The following AARS1 variants were observed in gnomAD, a reference collection of about 807,000 sequenced individuals.
AARS1 encodes the protein alanyl-tRNA synthetase 1.
AARS1 carries 72 observed loss-of-function variants against 108.9 expected under a neutral mutation model. That is an observed-to-expected ratio of 0.66 (90% CI 0.55 to 0.80). The LOEUF (loss-of-function observed/expected upper bound fraction) is 0.80. Among genes scored for constraint, AARS1 ranks in the 30% least tolerant of loss-of-function variants. The pLI is 0.00. For synonymous variants in AARS1, 489 were observed against 465.7 expected (o/e 1.05, Z -0.64); for missense variants, 1,193 against 1,233.2 (o/e 0.97, Z 0.49).
chr16:70,272,533 A>C (rs979588307), intron 4 of AARS1, among the ~76,000 whole-genome samples: 1 of 149,170 alleles, frequency 6.7e-6, no homozygotes. Flanking sequence ...AAAAAAAAAA[A>C]AAACCCGCTA....
At chr16:70,258,532 G>A (rs935825261) in intron 14 of AARS1, among the ~76,000 whole-genome samples, 4 of 152,106 alleles carry the variant, frequency 2.6e-5, no homozygotes, top group Admixed American at 6.5e-5. Flanking sequence ...CACTGCCCCC[G>A]GCAAAAGCAC....
At chr16:70,258,301 G>C in intron 14 of AARS1, 84 bp from the exon 15 acceptor site, 2 of 1,479,226 alleles carry the variant, frequency 1.4e-6, no homozygotes, top group Non-Finnish European at 1.8e-6. Flanking sequence ...GGTCCTGCAG[G>C]CAGGACTCGG....
rs569259704 is a variant in AARS1, at chr16:70,281,904, C to T, written c.144+716G>A. ...TGGTGGCTCATGCCTGTAATCCCAG[C>T]GCTTTGAGAGGCCGAGGCGGATGGA... is the stretch of plus-strand genomic sequence containing the variant. On this transcript the variant is annotated intron_variant, in intron 2 of 20. Coordinates refer to ENST00000261772, the MANE Select transcript of AARS1 (RefSeq NM_001605.3). 1.7e-4 allele frequency among the ~76,000 whole-genome samples: 26 copies of T among 151,992 alleles called. No homozygotes were observed. The South Asian group carries it at 4.8e-3, about 28-fold the overall frequency.
intron 2 of AARS1, among the ~76,000 whole-genome samples, chr16:70,278,945 G>A (rs1960622107): frequency 6.6e-6 from 1 of 152,224 alleles, no homozygotes; most frequent in Admixed American, 6.5e-5. Context: ...CAGTGCCTCA[G>A]TAGGGATGGC....
chr16:70,258,513 A>C (rs1220729981), intron 14 of AARS1, among the ~76,000 whole-genome samples: 1 of 152,178 alleles, frequency 6.6e-6, no homozygotes, highest in Non-Finnish European at 1.5e-5. Flanking sequence ...CCCCTCCACC[A>C]ACCACCACCA....
intron 1 of AARS1, 94 bp downstream of exon 1, chr16:70,289,327 G>C (rs751001575): frequency 5.7e-6 from 2 of 352,662 alleles, no homozygotes; most frequent in Non-Finnish European, 1.1e-5. Context: ...CGCGGGGCCT[G>C]ATCCTGGGGC....
chr16:70,281,221 T>C (rs1960688427), intron 2 of AARS1, among the ~76,000 whole-genome samples: 1 of 152,124 alleles, frequency 6.6e-6, no homozygotes, highest in Admixed American at 6.6e-5. Context: ...CTGGTGGCAA[T>C]AATTTCAAGA....
At chr16:70,268,108 C>G (rs1960308828) in intron 8 of AARS1, among the ~76,000 whole-genome samples, 163 bp downstream of exon 8, 2 of 152,214 alleles carry the variant, frequency 1.3e-5, no homozygotes, top group East Asian at 3.9e-4. Context: ...ACAGAGGTTG[C>G]AGTGAGCCAA....
chr16:70,265,173 G>C, intron 10 of AARS1, 71 bp from the exon 11 acceptor site: 1 of 1,575,392 alleles, frequency 6.3e-7, no homozygotes, highest in Non-Finnish European at 8.7e-7. Context: ...ACTGGAACTT[G>C]CTAAACTATG....
rs115882953 is a variant in AARS1, at chr16:70,258,044, G to T, written c.2166C>A (p.Phe722Leu). The change falls in exon 15 of 21, where the codon TTC becomes TTA. Residue 722 changes from phenylalanine (F) to leucine (L), a missense_variant. Phe to Leu is a conservative substitution (Grantham distance 22). Transcript: ENST00000261772. Reference sequence around the variant, plus strand: ...TCTGCAGTACTCACGTTCCCCCACAGAACTCAACAGAAGTCAGGGAGCCAG... The same window carrying T: ...TCTGCAGTACTCACGTTCCCCCACATAACTCAACAGAAGTCAGGGAGCCAG... ...GPAGSLTSVE[F>L]CGGTHLRNSS... The T allele has an allele frequency of 1.9e-4, 312 of 1,614,130 alleles. 1 individual carries two copies. In the African/African-American group the frequency reaches 3.6e-3, roughly 19 times the overall value.
Position 70,258,176 on chromosome 16 carries a change from G to A in AARS1, c.2034C>T (p.Ala678=). The part of the protein sequence containing the change: ...TQDCPLAAAK[A]IQGLRAVFDE... Reference sequence around the variant, plus strand: ...CAAACACAGCCCGTAGGCCCTGGATGGCTTTCGCTGCTGCCAGGGGGCAAT... The same window carrying A: ...CAAACACAGCCCGTAGGCCCTGGATAGCTTTCGCTGCTGCCAGGGGGCAAT... Residue 678 remains alanine (A), a synonymous_variant, in exon 15 of 21, where the codon GCC becomes GCT. Transcript: ENST00000261772. 10 of 1,606,566 alleles carry A rather than the reference G, an allele frequency of 6.2e-6. No homozygotes were observed. Among genetic ancestry groups the A allele is most frequent in the Non-Finnish European group, 8.5e-6 (10 of 1,176,200 alleles).
At position 70,259,114 on chromosome 16, in the gene AARS1, C is replaced by T; in HGVS notation, c.1858G>A (p.Gly620Arg). ...AATGAGCCTTTCTGGTCAGCTTCCC[C>T]AAGCACTGAGCGCAGGGCGAAGTTC... is the stretch of plus-strand genomic sequence containing the variant. The part of the protein sequence containing the change: ...ILNFALRSVL[G>R]EADQKGSLVA... Residue 620 changes from glycine (G) to arginine (R), a missense_variant, in exon 14 of 21, where the codon GGG (glycine) becomes AGG (arginine). By Grantham distance (125) the Gly-to-Arg change is moderately radical (BLOSUM62 -2). Coordinates refer to ENST00000261772, the MANE Select transcript of AARS1 (RefSeq NM_001605.3). 6.2e-7 allele frequency: 1 copy of T among 1,614,200 alleles called. No homozygotes were observed. Among genetic ancestry groups the T allele is most frequent in the Non-Finnish European group, 8.5e-7 (1 of 1,180,036 alleles).
chr16:70,269,322 G>GAAAAAAAAAAA (rs56394253), intron 7 of AARS1, among the ~76,000 whole-genome samples: 22 of 64,264 alleles, frequency 3.4e-4, no homozygotes, highest in East Asian at 1.0e-3. Flanking sequence ...TTCTGTCTCA[G>GAAAAAAAAAAA]AAAAAAAAAA....
intron 1 of AARS1, among the ~76,000 whole-genome samples, chr16:70,284,174 C>T (rs1960782548): frequency 6.6e-6 from 1 of 151,930 alleles, no homozygotes; most frequent in Non-Finnish European, 1.5e-5. Context: ...GGCGTGGTGG[C>T]AGGCGCCTGT....
At chr16:70,277,983 C>T (rs937568788) in intron 2 of AARS1, among the ~76,000 whole-genome samples, 20 of 151,930 alleles carry the variant, frequency 1.3e-4, no homozygotes, top group Non-Finnish European at 2.8e-4. Context: ...GAACACCTAA[C>T]CCCAAGTGAT....
intron 9 of AARS1, among the ~76,000 whole-genome samples, chr16:70,266,310 T>C (rs1300089547): frequency 4.1e-5 from 6 of 145,708 alleles, no homozygotes; most frequent in Non-Finnish European, 7.5e-5. Flanking sequence ...CAAGACTCTG[T>C]CTCAAAAATA....
chr16:70,271,967 T>A lies in AARS1; in HGVS notation c.485A>T (p.Asp162Val). Residue 162 changes from aspartate (D) to valine (V), a missense_variant, in exon 5 of 21, where the codon GAT becomes GTT. Asp to Val is a radical substitution (Grantham distance 152, BLOSUM62 -3). Transcript: ENST00000261772. ...CKQIWQNLGLDDTKILPGNMK... is the reference protein window; with the variant it reads ...CKQIWQNLGLVDTKILPGNMK... Reference sequence around the variant, plus strand: ...GTTGCCTGGGAGGATTTTGGTGTCATCCAGCCTGACAAAGGAGTAAAGATA... The same window carrying A: ...GTTGCCTGGGAGGATTTTGGTGTCAACCAGCCTGACAAAGGAGTAAAGATA... 1 of 1,613,678 alleles carries A rather than the reference T, an allele frequency of 6.2e-7. No individual in the cohort carries two copies. The highest frequency in any genetic ancestry group is 8.5e-7 in the Non-Finnish European group (1 of 1,179,724).
chr16:70,272,493 C>T (rs1165596682), intron 4 of AARS1, among the ~76,000 whole-genome samples: 38 of 78,794 alleles, frequency 4.8e-4, no homozygotes, highest in African/African-American at 1.8e-3. Flanking sequence ...GCAACGAGAG[C>T]AAAACTCCAT....
At position 70,270,351 on chromosome 16, in the gene AARS1, CAGA is replaced by C. The variant is rs1960369823; in HGVS notation, c.672-14_672-12del. 6 of 1,614,106 alleles carry C rather than the reference CAGA, an allele frequency of 3.7e-6. No homozygotes were observed. Among genetic ancestry groups the C allele is most frequent in the East Asian group, 2.2e-5 (1 of 44,880 alleles). On this transcript the variant is annotated splice_polypyrimidine_tract_variant and intron_variant, in intron 5 of 20. Transcript: ENST00000261772. ...ATGCCATCAGCTTCCCTGTATGATCCAGAAGAAGAGGAGGTTGAAGCAGAGACT... is the reference window on the plus strand; with the variant it reads ...ATGCCATCAGCTTCCCTGTATGATCCAGAAGAGGAGGTTGAAGCAGAGACT...
Sources: gnomAD v4.1 joint callset for allele counts (sites outside exome capture counted in the v4.1 genomes callset) on GRCh38, gnomAD v4.1.1 for gene constraint, MANE v1.5 for transcripts, NCBI Gene and HGNC (gene_info 2026-07-23, HGNC 2026-07-21) for gene names.